PTPRD: variants seen among roughly 807,000 people sequenced by gnomAD.
The protein encoded by PTPRD is protein tyrosine phosphatase receptor type D.
PTPRD carries 34 observed loss-of-function variants against 214.5 expected under a neutral mutation model. The observed-to-expected ratio is 0.16, with a 90% CI of 0.12 to 0.21. The LOEUF is 0.21. Among genes scored for constraint, PTPRD ranks in the 10% least tolerant of loss-of-function variants. The pLI is 1.00. For synonymous variants in PTPRD, 1,128 were observed against 845.7 expected (o/e 1.33, Z -5.79); for missense variants, 2,545 against 2,398.7 (o/e 1.06, Z -1.27).
At chr9:10,058,949 T>A (rs897961160) in intron 3 of PTPRD, among the ~76,000 whole-genome samples, 4 of 152,118 alleles carry the variant, frequency 2.6e-5, no homozygotes, top group Non-Finnish European at 5.9e-5. Flanking sequence ...AGGTAGAATT[T>A]CTTTTTTTGT....
chr9:10,505,618 G>A (rs954946165), intron 2 of PTPRD, among the ~76,000 whole-genome samples: 1 of 151,834 alleles, frequency 6.6e-6, no homozygotes, highest in Non-Finnish European at 1.5e-5. Flanking sequence ...GCATACCATG[G>A]GTTAAAGCAA....
At chr9:9,416,775 T>C (rs1465286553) in intron 8 of PTPRD, among the ~76,000 whole-genome samples, 1 of 152,210 alleles carries the variant, frequency 6.6e-6, no homozygotes, top group East Asian at 1.9e-4. Context: ...CTTGGCCCGA[T>C]GACTTTTTCA....
chr9:8,797,127 G>C (rs1235881254), intron 11 of PTPRD: 2 of 152,180 alleles, frequency 1.3e-5, no homozygotes, highest in South Asian at 4.1e-4. Flanking sequence ...ATTTGATCAT[G>C]TTATAAAATA....
chr9:10,435,865 G>C (rs1044132302), intron 2 of PTPRD, among the ~76,000 whole-genome samples: 1 of 151,758 alleles, frequency 6.6e-6, no homozygotes, highest in Non-Finnish European at 1.5e-5. Flanking sequence ...TTTTCCAGTG[G>C]CTTATGGCCC....
chr9:9,522,488 T>C (rs191190921), intron 8 of PTPRD, among the ~76,000 whole-genome samples: 88 of 152,220 alleles, frequency 5.8e-4, no homozygotes, highest in African/African-American at 1.5e-3. Context: ...TACTGATGTG[T>C]TGACAGACAA....
At chr9:8,417,375 C>G (rs1014530739) in intron 35 of PTPRD, among the ~76,000 whole-genome samples, 2 of 152,124 alleles carry the variant, frequency 1.3e-5, no homozygotes, top group Non-Finnish European at 2.9e-5. Context: ...CACATTCATT[C>G]CTTAGAACTG....
intron 3 of PTPRD, among the ~76,000 whole-genome samples, chr9:10,234,428 C>T (rs1413804941): frequency 1.3e-5 from 2 of 151,742 alleles, no homozygotes; most frequent in South Asian, 2.1e-4. Flanking sequence ...CCTAAACTAT[C>T]GCATGACATA....
At chr9:8,566,113 T>TGTGTGTGC (rs1265043697) in intron 14 of PTPRD, among the ~76,000 whole-genome samples, 1 of 148,764 alleles carries the variant, frequency 6.7e-6, no homozygotes, top group Non-Finnish European at 1.5e-5. Context: ...TGTGTGTGTG[T>TGTGTGTGC]GTGTGTGTGT....
intron 21 of PTPRD, among the ~76,000 whole-genome samples, chr9:8,511,086 T>C (rs1180802104): frequency 1.3e-5 from 2 of 152,098 alleles, no homozygotes; most frequent in Non-Finnish European, 2.9e-5. Context: ...TATTTAGTTT[T>C]GAGACAAGGT....
At chr9:8,445,704 A>G (rs1002897863) in intron 34 of PTPRD, among the ~76,000 whole-genome samples, 17 of 152,190 alleles carry the variant, frequency 1.1e-4, no homozygotes, top group African/African-American at 3.9e-4. Flanking sequence ...AAAAAAATTT[A>G]TTCAACAATT....
chr9:8,567,191 T>A (rs2089572670), intron 14 of PTPRD, among the ~76,000 whole-genome samples: 1 of 152,106 alleles, frequency 6.6e-6, no homozygotes, highest in African/African-American at 2.4e-5. Context: ...TGCAGATGGG[T>A]TCCATGATGA....
Position 8,518,516 on chromosome 9 carries a change from G to A in PTPRD, c.962-87C>T, listed in dbSNP as rs565133152. ...TATAAACTCTACTATGAAAATGACA[G>A]GATTATGTATCTACTGAAGATTTAA... On this transcript the variant is annotated intron_variant, in intron 20 of 45. Coordinates refer to ENST00000381196, the MANE Select transcript of PTPRD (RefSeq NM_002839.4). The A allele has an allele frequency of 1.6e-5, 15 of 956,874 alleles. No homozygotes were observed. The African/African-American group carries it at 2.5e-4, about 16-fold the overall frequency. The allele number at this position is 956,874 out of a possible 1,614,324, so 59.3% of individuals were successfully genotyped here.
At chr9:9,802,703 A>G (rs1029318991) in intron 5 of PTPRD, among the ~76,000 whole-genome samples, 1 of 151,764 alleles carries the variant, frequency 6.6e-6, no homozygotes, top group African/African-American at 2.4e-5. Flanking sequence ...GACCTAGCTT[A>G]TAGTTGGAGC....
chr9:9,765,803 G>A (rs1000736502), intron 6 of PTPRD, among the ~76,000 whole-genome samples: 2 of 152,034 alleles, frequency 1.3e-5, no homozygotes, highest in East Asian at 2.0e-4. Context: ...TGGGACTACA[G>A]GCACCCACCA....
chr9:9,271,754 T>A (rs900413670), intron 9 of PTPRD, among the ~76,000 whole-genome samples: 4 of 151,282 alleles, frequency 2.6e-5, no homozygotes, highest in African/African-American at 9.7e-5. Flanking sequence ...GAGACTAACA[T>A]CAAATAGAAT....
intron 4 of PTPRD, among the ~76,000 whole-genome samples, chr9:9,946,592 A>T (rs975018241): frequency 6.6e-6 from 1 of 152,052 alleles, no homozygotes; most frequent in African/African-American, 2.4e-5. Flanking sequence ...TTGCAAAGGG[A>T]AACATATTCT....
intron 9 of PTPRD, among the ~76,000 whole-genome samples, chr9:9,320,960 A>G (rs992667929): frequency 6.6e-6 from 1 of 152,186 alleles, no homozygotes; most frequent in South Asian, 2.1e-4. Context: ...AAGTGAACAG[A>G]CCTTGCCTGC....
chr9:9,263,878 C>A (rs2099981235), intron 9 of PTPRD, among the ~76,000 whole-genome samples: 1 of 151,348 alleles, frequency 6.6e-6, no homozygotes, highest in Admixed American at 6.6e-5. Context: ...GTGCAATATA[C>A]CCATGTAACA....
At chr9:9,349,902 C>G (rs1448258213) in intron 9 of PTPRD, among the ~76,000 whole-genome samples, 8 of 152,088 alleles carry the variant, frequency 5.3e-5, no homozygotes, top group Non-Finnish European at 1.0e-4. Context: ...CACACAAAAA[C>G]TTAAAAGGAA....
Sources: gnomAD v4.1 joint callset for allele counts (sites outside exome capture counted in the v4.1 genomes callset) on GRCh38, gnomAD v4.1.1 for gene constraint, MANE v1.5 for transcripts, NCBI Gene and HGNC (gene_info 2026-07-23, HGNC 2026-07-21) for gene names.